The following VPS13A variants were observed in gnomAD, a reference collection of about 807,000 sequenced individuals.
VPS13A encodes the protein intermembrane lipid transfer protein VPS13A.
VPS13A carries 264 observed loss-of-function variants against 390.9 expected under a neutral mutation model. That is an observed-to-expected ratio of 0.68 (90% confidence interval 0.61 to 0.75). The LOEUF (loss-of-function observed/expected upper bound fraction) is 0.75, where lower values mean the gene tolerates loss of function less well. VPS13A is among the 30% of genes least tolerant of loss of function. VPS13A has a pLI of 0.00. For synonymous variants in VPS13A, 1,231 were observed against 1,227.1 expected (o/e 1.00, Z -0.07); for missense variants, 3,409 against 3,733.9 (o/e 0.91, Z 2.27).
At chr9:77,407,299 C>T (rs1445909215) in intron 70 of VPS13A, among the ~76,000 whole-genome samples, 1 of 152,168 alleles carries the variant, frequency 6.6e-6, no homozygotes, top group Non-Finnish European at 1.5e-5. Flanking sequence ...ATTAAAATAT[C>T]ACCTTAAGCT....
At chr9:77,190,762 TCTGTTGAG>T (rs1824629784) in intron 1 of VPS13A, among the ~76,000 whole-genome samples, 2 of 152,234 alleles carry the variant, frequency 1.3e-5, no homozygotes, top group African/African-American at 4.8e-5. Flanking sequence ...TCATTATTGC[TCTGTTGAG>T]GTATTCAGTT....
intron 19 of VPS13A, among the ~76,000 whole-genome samples, chr9:77,244,187 A>G (rs1003598477): frequency 6.6e-6 from 1 of 152,174 alleles, no homozygotes; most frequent in African/African-American, 2.4e-5. Flanking sequence ...GCAGTGAGCT[A>G]TGATAGCAAC....
At position 77,370,876 on chromosome 9, in the gene VPS13A, T is replaced by C. The variant is rs1832710465; in HGVS notation, c.8908-14T>C. 1.2e-6 allele frequency: 2 copies of C among 1,612,590 alleles called. No homozygotes were observed. Among genetic ancestry groups the C allele is most frequent in the Non-Finnish European group, 1.7e-6 (2 of 1,179,864 alleles). On this transcript the variant is annotated splice_polypyrimidine_tract_variant and intron_variant, in intron 65 of 71. Transcript: ENST00000360280. Reference sequence around the variant, plus strand: ...AAAAAGTATTGTAAATTTTCAGTTGTGTTTTCCTTCTAGGGATTTGTTAGT... The same window carrying C: ...AAAAAGTATTGTAAATTTTCAGTTGCGTTTTCCTTCTAGGGATTTGTTAGT...
At chr9:77,299,727 T>A (rs1173464374) in intron 33 of VPS13A, among the ~76,000 whole-genome samples, 1 of 152,198 alleles carries the variant, frequency 6.6e-6, no homozygotes, top group African/African-American at 2.4e-5. Context: ...ATATACACCA[T>A]GGAATGCTAT....
chr9:77,397,539 T>G (rs1834168713), intron 68 of VPS13A, among the ~76,000 whole-genome samples: 1 of 152,210 alleles, frequency 6.6e-6, no homozygotes, highest in South Asian at 2.1e-4. Flanking sequence ...TTTCATATTT[T>G]GCATTATTTT....
At chr9:77,371,821 C>T (rs1490670131) in intron 67 of VPS13A, among the ~76,000 whole-genome samples, 1 of 123,784 alleles carries the variant, frequency 8.1e-6, no homozygotes, top group Non-Finnish European at 1.7e-5. Context: ...CCCCTCCCCC[C>T]ACCCCACCTG....
In VPS13A at chr9:77,416,110, C is replaced by T. The variant is rs546349278; in HGVS notation, c.*104C>T. Reference sequence around the variant, plus strand: ...ATATTACAGAAATGATTTCAAGTACCCTGTATTCTGGATGCTAAAAAACAA... The same window carrying T: ...ATATTACAGAAATGATTTCAAGTACTCTGTATTCTGGATGCTAAAAAACAA... On this transcript the variant is annotated 3_prime_UTR_variant, in exon 72 of 72. Transcript: ENST00000360280. 169 of 1,328,916 alleles carry T rather than the reference C, an allele frequency of 1.3e-4. No homozygotes were observed. The highest frequency in any genetic ancestry group is 1.7e-4 in the Non-Finnish European group (158 of 940,006). 82.3% of individuals were successfully genotyped at this position (1,328,916 alleles called of 1,614,324 possible). A position where few individuals can be genotyped will look rare whatever the true frequency, so the allele number is the denominator to read the frequency against.
chr9:77,252,290 A>G lies in VPS13A; in HGVS notation c.2226A>G (p.Val742=), dbSNP rs1161726069. The change falls in exon 22 of 72, where the codon GTA becomes GTG. Residue 742 remains valine, a synonymous_variant. Transcript: ENST00000360280. ...KLSVSTQHIL[V]PMHFNLELSK... ...GTGTATCTACCCAGCATATTTTGGT[A>G]CCCATGCACTTCAATTTGGAACTGT... The G allele has an allele frequency of 1.2e-6, 2 of 1,613,924 alleles. No homozygotes were observed. The highest frequency in any genetic ancestry group is 2.7e-5 in the African/African-American group (2 of 74,928).
chr9:77,278,002 G>A (rs924050631), intron 26 of VPS13A, among the ~76,000 whole-genome samples: 1 of 152,120 alleles, frequency 6.6e-6, no homozygotes, highest in African/African-American at 2.4e-5. Context: ...GTAAACCAAC[G>A]TGACAGTGTT....
At chr9:77,324,009 G>T (rs879336329) in intron 45 of VPS13A, among the ~76,000 whole-genome samples, 6 of 151,754 alleles carry the variant, frequency 4.0e-5, no homozygotes, top group Non-Finnish European at 8.8e-5. Context: ...TTTTCCAGAG[G>T]ATTTTAGGTC....
At chr9:77,208,326 C>T (rs1247808670) in intron 5 of VPS13A, among the ~76,000 whole-genome samples, 1 of 152,118 alleles carries the variant, frequency 6.6e-6, no homozygotes, top group Non-Finnish European at 1.5e-5. Context: ...CTAAGGCCTC[C>T]TGGGCCAGCT....
chr9:77,251,687 C>T (rs935522521), intron 21 of VPS13A, among the ~76,000 whole-genome samples: 1 of 152,012 alleles, frequency 6.6e-6, no homozygotes, highest in African/African-American at 2.4e-5. Flanking sequence ...TGCTATATGG[C>T]TATGGTCTCA....
At chr9:77,227,370 G>A (rs1472226873) in intron 15 of VPS13A, 21 bp from the exon 16 acceptor site, 26 of 1,535,604 alleles carry the variant, frequency 1.7e-5, no homozygotes, top group Non-Finnish European at 2.2e-5. Flanking sequence ...AGAACATAAA[G>A]CACTTCTTTC....
intron 45 of VPS13A, among the ~76,000 whole-genome samples, chr9:77,323,621 CTT>C (rs1324363693): frequency 6.6e-6 from 1 of 152,094 alleles, no homozygotes; most frequent in Non-Finnish European, 1.5e-5. Flanking sequence ...AAGTTGATGA[CTT>C]TTGACACAAA....
Position 77,199,959 on chromosome 9 carries a change from A to G in VPS13A, c.115A>G (p.Lys39Glu). ...LGIWKGAVAL[K>E]NLQIKENALS... ...ATCTTTTTTAGGAGCTGTGGCCCTC[A>G]AGAATCTTCAAATTAAAGAAAATGC... Residue 39 changes from lysine to glutamate, a missense_variant, in exon 2 of 72, where the codon AAG becomes GAG. Transcript: ENST00000360280. The G allele has an allele frequency of 6.2e-7, 1 of 1,608,284 alleles. No individual in the cohort carries two copies. The highest frequency in any genetic ancestry group is 8.5e-7 in the Non-Finnish European group (1 of 1,177,724).
intron 67 of VPS13A, among the ~76,000 whole-genome samples, chr9:77,376,033 ACATATT>A (rs1833049182): frequency 6.6e-6 from 1 of 152,194 alleles, no homozygotes; most frequent in Non-Finnish European, 1.5e-5. Context: ...TTGCTATTTT[ACATATT>A]CAGTGATCAG....
intron 27 of VPS13A, among the ~76,000 whole-genome samples, chr9:77,280,999 A>G (rs1011203596): frequency 3.9e-5 from 6 of 152,184 alleles, no homozygotes; most frequent in African/African-American, 1.4e-4. Flanking sequence ...ATGAATGTGG[A>G]GGACATTATG....
In VPS13A at chr9:77,283,022, G is replaced by A. The variant is rs909313075; in HGVS notation, c.3119-333G>A. Reference sequence around the variant, plus strand: ...ATCAGAGTATAGTACTTTCGAAGCAGTGAAAAGTTGCAATTTTGATAATGA... The same window carrying A: ...ATCAGAGTATAGTACTTTCGAAGCAATGAAAAGTTGCAATTTTGATAATGA... On this transcript the variant is annotated intron_variant, in intron 29 of 71. Transcript: ENST00000360280. Among the ~76,000 whole-genome samples, 15 of 151,858 alleles carry A rather than the reference G, an allele frequency of 9.9e-5. 1 individual carries two copies. The highest frequency in any genetic ancestry group is 3.6e-4 in the African/African-American group (15 of 41,358).
At chr9:77,290,071 C>T (rs542973310) in intron 31 of VPS13A, among the ~76,000 whole-genome samples, 4 of 152,204 alleles carry the variant, frequency 2.6e-5, no homozygotes, top group Non-Finnish European at 5.9e-5. Flanking sequence ...CGTGAGCCAC[C>T]GCATCTGGCA....
Sources: allele counts gnomAD v4.1 joint callset (sites outside exome capture counted in the v4.1 genomes callset), GRCh38; gene constraint gnomAD v4.1.1; transcripts MANE v1.5; gene names NCBI Gene and HGNC (gene_info 2026-07-23, HGNC 2026-07-21).